Variants in ARHGAP24 observed in about 807,000 individuals in gnomAD.
The protein encoded by ARHGAP24 is rho GTPase-activating protein 24.
In ARHGAP24, 50 loss-of-function variants were observed where a neutral mutation model predicts 76.4. That is an observed-to-expected ratio of 0.65 (90% CI 0.52 to 0.83). The LOEUF is 0.83. Among genes scored for constraint, ARHGAP24 ranks in the 40% least tolerant of loss-of-function variants. ARHGAP24 has a pLI of 0.00. For missense variants in ARHGAP24, 930 were observed against 914.2 expected (o/e 1.02, Z -0.22); for synonymous variants, 345 against 323.3 (o/e 1.07, Z -0.72).
chr4:85,670,170 G>T (rs1722775363), intron 2 of ARHGAP24, among the ~76,000 whole-genome samples: 1 of 152,122 alleles, frequency 6.6e-6, no homozygotes, highest in African/African-American at 2.4e-5. Flanking sequence ...TAAATAAGCT[G>T]AACATGAACC....
intron 2 of ARHGAP24, among the ~76,000 whole-genome samples, chr4:85,703,422 T>C (rs1724176085): frequency 6.6e-6 from 1 of 152,142 alleles, no homozygotes; most frequent in Non-Finnish European, 1.5e-5. Context: ...CTCTTCTATG[T>C]TCTGAATGTT....
intron 3 of ARHGAP24, among the ~76,000 whole-genome samples, chr4:85,772,159 C>T (rs1187665204): frequency 6.6e-6 from 1 of 152,198 alleles, no homozygotes; most frequent in African/African-American, 2.4e-5. Flanking sequence ...GCTAGTTGCT[C>T]TAAAGCCCGT....
intron 3 of ARHGAP24, among the ~76,000 whole-genome samples, chr4:85,781,463 T>A (rs1437670152): frequency 6.6e-6 from 1 of 152,164 alleles, no homozygotes; most frequent in Admixed American, 6.5e-5. Context: ...CCAGGGCAAT[T>A]CTATGTTTCA....
At position 85,667,435 on chromosome 4, in the gene ARHGAP24, G is replaced by C. The variant is rs929673584; in HGVS notation, c.181-54450G>C. Among the ~76,000 whole-genome samples, 9 of 151,602 alleles carry C rather than the reference G, an allele frequency of 5.9e-5. No homozygotes were observed. The South Asian group carries it at 8.3e-4, about 14-fold the overall frequency. ...CTTTGACTAGGAAAGGGAACTCCCT[G>C]ACCCCTTGTGCTTCCTGAGGGAGGC... On this transcript the variant is annotated intron_variant, in intron 2 of 9. Transcript: ENST00000395184.
In ARHGAP24 at chr4:85,994,882, C is replaced by T. The variant is rs1162828949; in HGVS notation, c.1228C>T (p.Leu410=). Reference sequence around the variant, plus strand: ...CAGCCCAAAGAACAGTGTTCACAAGCTAGATGTGTCTAGAAGCCCCCCTCT... The same window carrying T: ...CAGCCCAAAGAACAGTGTTCACAAGTTAGATGTGTCTAGAAGCCCCCCTCT... ...TNSPKNSVHK[L]DVSRSPPLMV... The change falls in exon 9 of 10, where the codon CTA becomes TTA. Residue 410 remains leucine (L), a synonymous_variant. Transcript: ENST00000395184. 1 of 1,614,108 alleles carries T rather than the reference C, an allele frequency of 6.2e-7. No individual in the cohort carries two copies. Among genetic ancestry groups the T allele is most frequent in the Non-Finnish European group, 8.5e-7 (1 of 1,180,032 alleles).
At chr4:85,781,569 A>C (rs1560629734) in intron 3 of ARHGAP24, among the ~76,000 whole-genome samples, 1 of 152,062 alleles carries the variant, frequency 6.6e-6, no homozygotes, top group East Asian at 1.9e-4. Flanking sequence ...TTTTTCTTTA[A>C]TTTTTAAAAA....
chr4:85,951,427 A>G (rs182217126), intron 5 of ARHGAP24, among the ~76,000 whole-genome samples: 31 of 152,132 alleles, frequency 2.0e-4, no homozygotes, highest in Middle Eastern at 6.8e-3. Flanking sequence ...GGATGTGGAG[A>G]CAAACTGCCA....
chr4:85,622,517 T>C (rs982858457), intron 2 of ARHGAP24, among the ~76,000 whole-genome samples: 17 of 152,094 alleles, frequency 1.1e-4, no homozygotes, highest in African/African-American at 4.1e-4. Context: ...TTAGGTTGGT[T>C]CCAAGTCTTT....
intron 2 of ARHGAP24, among the ~76,000 whole-genome samples, chr4:85,594,526 T>G (rs568539247): frequency 1.3e-5 from 2 of 152,132 alleles, no homozygotes; most frequent in East Asian, 3.9e-4. Context: ...CTGCAAAAAC[T>G]TGGTCAAAGT....
intron 3 of ARHGAP24, among the ~76,000 whole-genome samples, chr4:85,848,809 T>A (rs978617998): frequency 6.6e-6 from 1 of 152,190 alleles, no homozygotes; most frequent in Non-Finnish European, 1.5e-5. Context: ...GGTCTATATC[T>A]CTGTTTTGGT....
chr4:85,670,656 A>G (rs529279526), intron 2 of ARHGAP24, among the ~76,000 whole-genome samples: 1 of 151,986 alleles, frequency 6.6e-6, no homozygotes, highest in Non-Finnish European at 1.5e-5. Context: ...TTTATTTCAA[A>G]CTCTCTTGCC....
intron 3 of ARHGAP24, among the ~76,000 whole-genome samples, chr4:85,917,942 C>A (rs1735514947): frequency 6.6e-6 from 1 of 151,988 alleles, no homozygotes; most frequent in African/African-American, 2.4e-5. Flanking sequence ...TAGTAGCAAT[C>A]TTTTTGTCAC....
chr4:85,592,909 A>T (rs1728175825), intron 2 of ARHGAP24, among the ~76,000 whole-genome samples: 1 of 152,170 alleles, frequency 6.6e-6, no homozygotes, highest in Non-Finnish European at 1.5e-5. Flanking sequence ...GGTTCCTTCC[A>T]ATTCTTGGCT....
chr4:85,995,108 G>A lies in ARHGAP24; in HGVS notation c.1454G>A (p.Gly485Asp). The A allele has an allele frequency of 6.2e-7, 1 of 1,613,994 alleles. No homozygotes were observed. The highest frequency in any genetic ancestry group is 8.5e-7 in the Non-Finnish European group (1 of 1,180,022). The change falls in exon 9 of 10, where the codon GGC (glycine) becomes GAC (aspartate). Residue 485 changes from glycine to aspartate, a missense_variant. Physicochemically the swap from Gly to Asp is moderately conservative, Grantham distance 94. Transcript: ENST00000395184. ...GTACAGAATGGAACGGTGCGCATGG[G>A]CATTTTGAACAGCGACACACTCGGG... ...HSVQNGTVRM[G>D]ILNSDTLGNP...
At chr4:85,948,099 C>T (rs346496) in intron 5 of ARHGAP24, among the ~76,000 whole-genome samples, 90,425 of 151,932 alleles carry the variant, frequency 0.6, 27,298 homozygotes, top group East Asian at 0.81. Flanking sequence ...TCTATACTTA[C>T]TACATCTCTT....
At chr4:85,727,081 G>T (rs879186513) in intron 3 of ARHGAP24, among the ~76,000 whole-genome samples, 6 of 152,052 alleles carry the variant, frequency 3.9e-5, no homozygotes, top group Non-Finnish European at 5.9e-5. Flanking sequence ...TTAGCTGGGC[G>T]TGTTGGTGGG....
chr4:85,785,592 C>T (rs1379518241), intron 3 of ARHGAP24, among the ~76,000 whole-genome samples: 4 of 151,944 alleles, frequency 2.6e-5, no homozygotes, highest in Non-Finnish European at 4.4e-5. Flanking sequence ...AAACACTTTC[C>T]TTTGTTCAAT....
intron 2 of ARHGAP24, among the ~76,000 whole-genome samples, chr4:85,606,128 T>A (rs1720183005): frequency 6.6e-6 from 1 of 152,180 alleles, no homozygotes; most frequent in African/African-American, 2.4e-5. Context: ...ATGTTTTGAA[T>A]ACCTACTATG....
chr4:85,733,060 C>CTTTTTTTTTTTTTATTTTT (rs1725471304), intron 3 of ARHGAP24, among the ~76,000 whole-genome samples: 1 of 55,206 alleles, frequency 1.8e-5, no homozygotes, highest in Non-Finnish European at 3.2e-5. Flanking sequence ...GCCTCACCAA[C>CTTTTTTTTTTTTTATTTTT]TTTTTTTTTT....
Sources: gnomAD v4.1 joint callset for allele counts (sites outside exome capture counted in the v4.1 genomes callset) on GRCh38, gnomAD v4.1.1 for gene constraint, MANE v1.5 for transcripts, NCBI Gene and HGNC (gene_info 2026-07-23, HGNC 2026-07-21) for gene names.